RUNX2: variants seen among roughly 807,000 people sequenced by gnomAD.
RUNX2 encodes runt-related transcription factor 2.
Under a neutral mutation model 51.7 loss-of-function variants are expected in RUNX2, and 10 were observed. That is an observed-to-expected ratio of 0.19 (90% CI 0.12 to 0.33). RUNX2 has a LOEUF of 0.33. Among genes scored for constraint, RUNX2 ranks in the 10% least tolerant of loss-of-function variants. The probability of loss-of-function intolerance (pLI) is 1.00; values close to 1 mark genes in which losing one functional copy is unlikely to be tolerated. For synonymous variants in RUNX2, 276 were observed against 273.6 expected (o/e 1.01, Z -0.09); for missense variants, 562 against 691.3 (o/e 0.81, Z 2.10).
chr6:45,331,041 G>C (rs571307117), intron 2 of RUNX2, among the ~76,000 whole-genome samples: 1 of 151,972 alleles, frequency 6.6e-6, no homozygotes, highest in East Asian at 1.9e-4. Context: ...AGAAAGTTTA[G>C]GATTTTCCTA....
At chr6:45,482,293 G>T (rs570800075) in intron 5 of RUNX2, among the ~76,000 whole-genome samples, 61 of 152,286 alleles carry the variant, frequency 4.0e-4, no homozygotes, top group Non-Finnish European at 6.9e-4. Flanking sequence ...CTGAAGAAAA[G>T]GGATTATACT....
Position 45,491,632 on chromosome 6 carries a change from T to G in RUNX2, c.686-309T>G, listed in dbSNP as rs970224946. ...ACATCTCTCCTGTTTGTTTTTTTTT[T>G]TTTTTTTTTTTTTACTGAGAGGGCC... On this transcript the variant is annotated intron_variant, in intron 5 of 8. Coordinates refer to ENST00000647337, the MANE Select transcript of RUNX2 (RefSeq NM_001024630.4). Among the ~76,000 whole-genome samples the G allele has an allele frequency of 1.4e-4, 20 of 147,538 alleles. No homozygotes were observed. The East Asian group carries it at 2.0e-3, about 14-fold the overall frequency.
At chr6:45,382,942 T>C (rs1035357438) in intron 2 of RUNX2, among the ~76,000 whole-genome samples, 8 of 152,102 alleles carry the variant, frequency 5.3e-5, no homozygotes, top group Non-Finnish European at 1.0e-4. Context: ...TTTAGGGTTC[T>C]AGAGAAAGAG....
intron 2 of RUNX2, among the ~76,000 whole-genome samples, chr6:45,339,138 T>C (rs1344450324): frequency 6.6e-6 from 1 of 152,132 alleles, no homozygotes; most frequent in Non-Finnish European, 1.5e-5. Flanking sequence ...GGCTAAGTAA[T>C]CTTATTACTT....
intron 5 of RUNX2, among the ~76,000 whole-genome samples, chr6:45,460,273 A>G (rs1287088401): frequency 6.6e-6 from 1 of 152,198 alleles, no homozygotes; most frequent in African/African-American, 2.4e-5. Context: ...GTGAGATAGG[A>G]AGAGTCCCAA....
rs1439859323 is a variant in RUNX2, at chr6:45,549,608, G to A, written c.*2303G>A. 16 of 378,296 alleles carry A rather than the reference G, an allele frequency of 4.2e-5. No individual in the cohort carries two copies. Among genetic ancestry groups the A allele is most frequent in the Middle Eastern group, 6.7e-4 (1 of 1,496 alleles). 23.4% of individuals were successfully genotyped at this position (378,296 alleles called of 1,614,324 possible). A position where few individuals can be genotyped will look rare whatever the true frequency, so the allele number is the denominator to read the frequency against. ...TTATTTGTAAGTGTAAAATATGTGT[G>A]TTTGTTTCAGCAGCACTTAAAAAAG... is the stretch of plus-strand genomic sequence containing the variant. On this transcript the variant is annotated 3_prime_UTR_variant, in exon 9 of 9. Transcript: ENST00000647337.
intron 2 of RUNX2, among the ~76,000 whole-genome samples, chr6:45,360,235 G>A (rs988387981): frequency 3.9e-5 from 6 of 152,138 alleles, no homozygotes; most frequent in East Asian, 3.9e-4. Context: ...CTATTCTTTC[G>A]TCTATAAAAG....
chr6:45,506,991 T>G (rs1056061464), intron 6 of RUNX2, among the ~76,000 whole-genome samples: 2 of 151,826 alleles, frequency 1.3e-5, no homozygotes, highest in Non-Finnish European at 2.9e-5. Context: ...TTGGAAACTT[T>G]CTGTGACATA....
chr6:45,328,790 T>G lies in RUNX2; in HGVS notation c.58+6T>G. On this transcript the variant is annotated splice_donor_region_variant and intron_variant, in intron 2 of 8. Coordinates refer to ENST00000647337, the MANE Select transcript of RUNX2 (RefSeq NM_001024630.4). ...TCAGCAAAACTTCTTTTGGGGTAAG[T>G]GTTACCATTTTTAAAATCCTGTAAG... is the stretch of plus-strand genomic sequence containing the variant. The G allele has an allele frequency of 8.7e-6, 14 of 1,611,768 alleles. No individual in the cohort carries two copies. Among genetic ancestry groups the G allele is most frequent in the Non-Finnish European group, 1.2e-5 (14 of 1,178,384 alleles).
At chr6:45,381,167 A>G (rs1201513792) in intron 2 of RUNX2, among the ~76,000 whole-genome samples, 3 of 152,182 alleles carry the variant, frequency 2.0e-5, no homozygotes. Flanking sequence ...TCTCAAAAGT[A>G]TCTTGTTTTA....
intron 2 of RUNX2, among the ~76,000 whole-genome samples, chr6:45,347,613 G>A (rs16873351): frequency 2.0e-5 from 3 of 151,850 alleles, no homozygotes; most frequent in Non-Finnish European, 4.4e-5. Context: ...CTTGGGGTCT[G>A]TCTGCAAAAG....
At chr6:45,379,366 T>A (rs1269027037) in intron 2 of RUNX2, among the ~76,000 whole-genome samples, 1 of 152,186 alleles carries the variant, frequency 6.6e-6, no homozygotes, top group Non-Finnish European at 1.5e-5. Flanking sequence ...AGAAATTAGT[T>A]AACAGAAGAT....
intron 2 of RUNX2, among the ~76,000 whole-genome samples, chr6:45,375,817 C>A (rs2150328270): frequency 6.6e-6 from 1 of 150,722 alleles, no homozygotes; most frequent in South Asian, 2.1e-4. Context: ...ACTTTATATA[C>A]ACTTGCTTTA....
chr6:45,521,624 A>C (rs1801510597), intron 7 of RUNX2, among the ~76,000 whole-genome samples: 1 of 152,230 alleles, frequency 6.6e-6, no homozygotes, highest in Admixed American at 6.5e-5. Flanking sequence ...TTCCTCTACA[A>C]CAAAGCAAAA....
At chr6:45,362,621 C>T (rs1204698166) in intron 2 of RUNX2, among the ~76,000 whole-genome samples, 2 of 152,092 alleles carry the variant, frequency 1.3e-5, no homozygotes, top group African/African-American at 4.8e-5. Flanking sequence ...TAAAGAAATT[C>T]CTAAGGGCAA....
Position 45,547,643 on chromosome 6 carries a change from G to C in RUNX2, c.*338G>C, listed in dbSNP as rs1802444306. On this transcript the variant is annotated 3_prime_UTR_variant, in exon 9 of 9. Coordinates refer to ENST00000647337, the MANE Select transcript of RUNX2 (RefSeq NM_001024630.4). The stretch of plus-strand genomic sequence containing the variant: ...AATAACCTGTTCATATGCCAATTCA[G>C]AGAGGTGGACTCCAGGTTCAGGAGG... 1 of 335,220 alleles carries C rather than the reference G, an allele frequency of 3.0e-6. No individual in the cohort carries two copies. Among genetic ancestry groups the C allele is most frequent in the Non-Finnish European group, 5.7e-6 (1 of 175,128 alleles). 20.8% of individuals were successfully genotyped at this position (335,220 alleles called of 1,614,324 possible).
At chr6:45,425,578 C>A (rs1261647570) in intron 3 of RUNX2, among the ~76,000 whole-genome samples, 3 of 152,062 alleles carry the variant, frequency 2.0e-5, no homozygotes, top group Non-Finnish European at 4.4e-5. Context: ...TTAAACAATT[C>A]AAAAAGTGGG....
Position 45,409,833 on chromosome 6 carries a change from A to G in RUNX2, c.59-12760A>G, listed in dbSNP as rs573360633. On this transcript the variant is annotated intron_variant, in intron 2 of 8. Transcript: ENST00000647337. ...TGGCATTATGCTAAATGCTGAGGAT[A>G]AAAGATGACTAAGACTAATCCCTGT... is the stretch of plus-strand genomic sequence containing the variant. 3.3e-5 allele frequency among the ~76,000 whole-genome samples: 5 copies of G among 152,352 alleles called. No homozygotes were observed. In the South Asian group the frequency reaches 1.0e-3, roughly 32 times the overall value.
chr6:45,422,487 CT>C, intron 2 of RUNX2, 105 bp from the exon 3 acceptor site: 1 of 421,856 alleles, frequency 2.4e-6, no homozygotes, highest in East Asian at 1.2e-4. Context: ...TTCCCCCCGT[CT>C]CGCCTTCACC....
Sources: gnomAD v4.1 joint callset for allele counts (sites outside exome capture counted in the v4.1 genomes callset) on GRCh38, gnomAD v4.1.1 for gene constraint, MANE v1.5 for transcripts, NCBI Gene and HGNC (gene_info 2026-07-23, HGNC 2026-07-21) for gene names.